Variants in PTPRD observed in about 807,000 individuals in gnomAD.
PTPRD encodes protein tyrosine phosphatase receptor type D, also known as receptor-type tyrosine-protein phosphatase delta.
PTPRD carries 34 observed loss-of-function variants against 214.5 expected under a neutral mutation model. That is an observed-to-expected ratio of 0.16 (90% CI 0.12 to 0.21). The LOEUF is 0.21. Ranked by LOEUF, PTPRD falls within the 10% of genes least tolerant of loss-of-function variation. The pLI is 1.00. For missense variants in PTPRD, 2,545 were observed against 2,398.7 expected (o/e 1.06, Z -1.27); for synonymous variants, 1,128 against 845.7 (o/e 1.33, Z -5.79).
chr9:10,458,295 G>A (rs557848958), intron 2 of PTPRD, among the ~76,000 whole-genome samples: 2 of 152,044 alleles, frequency 1.3e-5, no homozygotes, highest in South Asian at 2.1e-4. Flanking sequence ...AAAATTACTC[G>A]ACAAAATATT....
intron 5 of PTPRD, among the ~76,000 whole-genome samples, chr9:9,873,533 A>G (rs2066040828): frequency 6.6e-6 from 1 of 152,078 alleles, no homozygotes; most frequent in Admixed American, 6.6e-5. Flanking sequence ...GTAATTTACC[A>G]CAGAGTCCAA....
intron 9 of PTPRD, among the ~76,000 whole-genome samples, chr9:9,278,911 C>A (rs1325113503): frequency 1.3e-5 from 2 of 151,316 alleles, no homozygotes; most frequent in African/African-American, 4.8e-5. Flanking sequence ...GTATAATAAT[C>A]TGCCAGGTCA....
intron 2 of PTPRD, among the ~76,000 whole-genome samples, chr9:10,458,807 G>C (rs946718033): frequency 6.6e-6 from 1 of 151,634 alleles, no homozygotes; most frequent in South Asian, 2.1e-4. Flanking sequence ...ACCAAAAACT[G>C]TTAGGTCTAA....
At chr9:9,130,008 G>T (rs1046770127) in intron 10 of PTPRD, among the ~76,000 whole-genome samples, 2 of 152,102 alleles carry the variant, frequency 1.3e-5, no homozygotes, top group South Asian at 2.1e-4. Context: ...ACTTAAGAGT[G>T]CCTGACATAT....
intron 11 of PTPRD, among the ~76,000 whole-genome samples, chr9:8,753,135 T>C (rs2093682071): frequency 6.6e-6 from 1 of 152,196 alleles, no homozygotes; most frequent in Admixed American, 6.5e-5. Context: ...CGTTATTCTG[T>C]GATTTAGAAT....
intron 24 of PTPRD, 136 bp from the exon 25 acceptor site, chr9:8,499,976 A>G: frequency 1.7e-6 from 1 of 578,252 alleles, no homozygotes; most frequent in Non-Finnish European, 2.7e-6. Flanking sequence ...AAGAATACAA[A>G]CATTTTCAAC....
intron 7 of PTPRD, among the ~76,000 whole-genome samples, chr9:9,728,778 T>C (rs2098135354): frequency 6.6e-6 from 1 of 152,184 alleles, no homozygotes; most frequent in African/African-American, 2.4e-5. Flanking sequence ...AAAAGAATGC[T>C]GTCCATTTTC....
At chr9:9,874,077 T>C (rs1288392566) in intron 5 of PTPRD, among the ~76,000 whole-genome samples, 1 of 152,134 alleles carries the variant, frequency 6.6e-6, no homozygotes, top group Non-Finnish European at 1.5e-5. Context: ...AAAAACATTT[T>C]AAAGGACCTT....
chr9:9,241,727 C>G (rs550627746), intron 9 of PTPRD, among the ~76,000 whole-genome samples: 3 of 151,282 alleles, frequency 2.0e-5, no homozygotes, highest in Non-Finnish European at 4.4e-5. Context: ...TTATTCTGAG[C>G]CTATGTGTGT....
chr9:9,245,652 G>C (rs1269469554), intron 9 of PTPRD, among the ~76,000 whole-genome samples: 1 of 152,062 alleles, frequency 6.6e-6, no homozygotes, highest in Non-Finnish European at 1.5e-5. Flanking sequence ...ATAGCATTAG[G>C]AGATATACTT....
At chr9:10,411,843 C>A (rs1040600625) in intron 2 of PTPRD, among the ~76,000 whole-genome samples, 1 of 151,686 alleles carries the variant, frequency 6.6e-6, no homozygotes, top group Non-Finnish European at 1.5e-5. Context: ...TAAAAACAAA[C>A]TATTAAATAT....
chr9:9,720,800 T>C (rs2097922272), intron 7 of PTPRD, among the ~76,000 whole-genome samples: 1 of 128,916 alleles, frequency 7.8e-6, no homozygotes, highest in Admixed American at 7.3e-5. Context: ...CACCATGGAA[T>C]ACTATGCAAC....
intron 11 of PTPRD, among the ~76,000 whole-genome samples, chr9:8,791,388 G>C (rs137951782): frequency 1.3e-5 from 2 of 151,832 alleles, no homozygotes; most frequent in Admixed American, 6.6e-5. Flanking sequence ...ATCACACCCA[G>C]CTAATTTTTG....
chr9:8,525,428 G>T (rs2073847871), intron 17 of PTPRD, among the ~76,000 whole-genome samples: 1 of 152,044 alleles, frequency 6.6e-6, no homozygotes, highest in Admixed American at 6.6e-5. Flanking sequence ...TGGCGCAAAA[G>T]ATAGGTACGC....
intron 8 of PTPRD, among the ~76,000 whole-genome samples, chr9:9,501,008 G>T (rs1166282232): frequency 6.6e-6 from 1 of 151,732 alleles, no homozygotes; most frequent in African/African-American, 2.4e-5. Flanking sequence ...CACTGCTATG[G>T]CTAAAAAGCT....
chr9:9,940,770 T>C (rs2091235302), intron 4 of PTPRD, among the ~76,000 whole-genome samples: 1 of 152,172 alleles, frequency 6.6e-6, no homozygotes, highest in Non-Finnish European at 1.5e-5. Flanking sequence ...TGCACTTTCG[T>C]AAGGGTTGTT....
chr9:8,762,827 C>G (rs1169159158), intron 11 of PTPRD, among the ~76,000 whole-genome samples: 5 of 152,138 alleles, frequency 3.3e-5, no homozygotes, highest in African/African-American at 1.2e-4. Flanking sequence ...TGAGCCAGTA[C>G]ACAGCTTCCC....
intron 7 of PTPRD, among the ~76,000 whole-genome samples, chr9:9,686,995 G>A (rs938586459): frequency 7.3e-5 from 11 of 151,634 alleles, no homozygotes; most frequent in African/African-American, 1.9e-4. Flanking sequence ...TTATTATTAC[G>A]TTGTGAGCTC....
intron 3 of PTPRD, among the ~76,000 whole-genome samples, chr9:10,230,066 G>T (rs1485958186): frequency 6.6e-6 from 1 of 151,946 alleles, no homozygotes; most frequent in East Asian, 1.9e-4. Context: ...GTATAAGCTG[G>T]TGCATTAGTC....
Sources: gnomAD v4.1 joint callset for allele counts (sites outside exome capture counted in the v4.1 genomes callset) on GRCh38, gnomAD v4.1.1 for gene constraint, MANE v1.5 for transcripts, NCBI Gene and HGNC (gene_info 2026-07-23, HGNC 2026-07-21) for gene names.